The following SLC35F2 variants were observed in gnomAD, a reference collection of about 807,000 sequenced individuals.
SLC35F2 encodes solute carrier family 35 member F2.
A neutral mutation model predicts 38.1 loss-of-function variants in SLC35F2; 25 were observed. That is an observed-to-expected ratio of 0.66 (90% CI 0.48 to 0.92). The LOEUF (loss-of-function observed/expected upper bound fraction) is 0.92, where lower values mean the gene tolerates loss of function less well. Among genes scored for constraint, SLC35F2 ranks in the 40% least tolerant of loss-of-function variants. SLC35F2 has a pLI of 0.00. For synonymous variants in SLC35F2, 173 were observed against 181.7 expected (o/e 0.95, Z 0.38); for missense variants, 409 against 452.9 (o/e 0.90, Z 0.88).
At chr11:107,844,280 T>G (rs1014506962) in intron 1 of SLC35F2, among the ~76,000 whole-genome samples, 35 of 152,094 alleles carry the variant, frequency 2.3e-4, no homozygotes, top group Non-Finnish European at 4.9e-4. Flanking sequence ...GCTCCAACTT[T>G]CACATCTGTG....
At chr11:107,838,245 T>C (rs1859960301) in intron 1 of SLC35F2, among the ~76,000 whole-genome samples, 1 of 152,182 alleles carries the variant, frequency 6.6e-6, no homozygotes, top group African/African-American at 2.4e-5. Flanking sequence ...AAACCTTTCT[T>C]ACCTCAACAA....
intron 7 of SLC35F2, among the ~76,000 whole-genome samples, chr11:107,797,989 T>G (rs200432056): frequency 0.1 from 14,144 of 136,334 alleles, 1,624 homozygotes; most frequent in East Asian, 0.34. Context: ...GTATTTTTTA[T>G]TTTTTTTTGT....
intron 3 of SLC35F2, chr11:107,810,330 C>T (rs890375246): frequency 1.1e-5 from 11 of 985,340 alleles, no homozygotes; most frequent in Non-Finnish European, 1.2e-5. Flanking sequence ...TCAGTCGCAA[C>T]TATCCAACTG....
At chr11:107,843,763 G>A (rs1860049278) in intron 1 of SLC35F2, among the ~76,000 whole-genome samples, 1 of 147,662 alleles carries the variant, frequency 6.8e-6, no homozygotes. Flanking sequence ...CAAGGCAGGA[G>A]GATCACTTGA....
chr11:107,840,121 TTC>T (rs1364163419), intron 1 of SLC35F2, among the ~76,000 whole-genome samples: 3 of 152,286 alleles, frequency 2.0e-5, no homozygotes, highest in African/African-American at 7.2e-5. Context: ...CCCACAACTC[TTC>T]TGTGAGAAAA....
At chr11:107,830,518 A>G (rs1183462827) in intron 1 of SLC35F2, among the ~76,000 whole-genome samples, 3 of 147,630 alleles carry the variant, frequency 2.0e-5, no homozygotes, top group Non-Finnish European at 4.4e-5. Context: ...TGGGAGGCGG[A>G]GCTTGCAGTG....
chr11:107,807,293 C>CAA lies in SLC35F2; in HGVS notation c.415-419_415-418dup, dbSNP rs71047626. On this transcript the variant is annotated intron_variant, in intron 3 of 7. Coordinates refer to ENST00000525815, the MANE Select transcript of SLC35F2 (RefSeq NM_017515.5). ...GTACAAAAAAAAAAAAAAACAACAA[C>CAA]AAAAAAAAACCTTGGGTGTGGTGGT... is the stretch of plus-strand genomic sequence containing the variant. 2.3e-3 allele frequency among the ~76,000 whole-genome samples: 152 copies of CAA among 67,296 alleles called. 3 individuals carry two copies. The highest frequency in any genetic ancestry group is 2.4e-3 in the Non-Finnish European group (58 of 23,910). 44.1% of individuals were successfully genotyped at this position (67,296 alleles called of 152,430 possible). A position where few individuals can be genotyped will look rare whatever the true frequency, so the allele number is the denominator to read the frequency against.
chr11:107,820,213 C>G (rs1186337971), intron 1 of SLC35F2, among the ~76,000 whole-genome samples: 2 of 149,220 alleles, frequency 1.3e-5, no homozygotes, highest in East Asian at 3.9e-4. Context: ...CGAGATCATA[C>G]CACTGCACTC....
intron 1 of SLC35F2, among the ~76,000 whole-genome samples, chr11:107,850,967 G>T (rs1023628053): frequency 1.3e-5 from 2 of 152,092 alleles, no homozygotes; most frequent in Non-Finnish European, 2.9e-5. Flanking sequence ...GGCCAACATG[G>T]TGAAACCCTG....
chr11:107,798,792 T>C (rs1203773570), intron 7 of SLC35F2, among the ~76,000 whole-genome samples: 3 of 152,106 alleles, frequency 2.0e-5, no homozygotes, highest in Admixed American at 6.6e-5. Context: ...AACTACTTCT[T>C]GGCCAGGCTC....
In SLC35F2 at chr11:107,815,788, A is replaced by G; in HGVS notation, c.286+2T>C. ...AAAAGATAATTTCCACATTTGACATACCTGATCGAAATGCCAGCATCACTG... is the reference window on the plus strand; with the variant it reads ...AAAAGATAATTTCCACATTTGACATGCCTGATCGAAATGCCAGCATCACTG... On this transcript the variant is annotated splice_donor_variant, in intron 2 of 7. Transcript: ENST00000525815. LOFTEE classifies it high-confidence loss of function. The G allele has an allele frequency of 6.2e-7, 1 of 1,603,922 alleles. No individual in the cohort carries two copies. Among genetic ancestry groups the G allele is most frequent in the Non-Finnish European group, 8.5e-7 (1 of 1,175,698 alleles).
intron 1 of SLC35F2, among the ~76,000 whole-genome samples, chr11:107,822,517 C>T (rs1219275879): frequency 6.6e-6 from 1 of 152,164 alleles, no homozygotes; most frequent in African/African-American, 2.4e-5. Flanking sequence ...CCTCTTTCTT[C>T]TCCCCAGAAC....
In SLC35F2 at chr11:107,815,852, T is replaced by A. The variant is rs756253397; in HGVS notation, c.224A>T (p.Gln75Leu). The change falls in exon 2 of 8, where the codon CAG (glutamine) becomes CTG (leucine). Residue 75 changes from glutamine to leucine, a missense_variant. Physicochemically the swap from Gln to Leu is moderately radical, Grantham distance 113. Transcript: ENST00000525815. ...ERYKVNTPML[Q>L]SFINYCLLFL... is the part of the protein sequence containing the mutation. ...CAGCAAGCAATAATTGATAAAGCTC[T>A]GAAGCATGGGGGTGTTCACTTTGTA... The A allele has an allele frequency of 1.9e-6, 3 of 1,614,092 alleles. No homozygotes were observed. The highest frequency in any genetic ancestry group is 1.7e-6 in the Non-Finnish European group (2 of 1,179,994).
At chr11:107,800,669 C>G (rs1859292101) in intron 7 of SLC35F2, among the ~76,000 whole-genome samples, 1 of 152,094 alleles carries the variant, frequency 6.6e-6, no homozygotes, top group South Asian at 2.1e-4. Context: ...CTCGACCTCC[C>G]TGGCCCCAAG....
intron 1 of SLC35F2, among the ~76,000 whole-genome samples, chr11:107,852,156 G>T (rs146549934): frequency 6.6e-6 from 1 of 152,312 alleles, no homozygotes; most frequent in East Asian, 1.9e-4. Context: ...GGTGGCTCAG[G>T]CCTGTAATCC....
At chr11:107,820,731 G>A (rs924717037) in intron 1 of SLC35F2, among the ~76,000 whole-genome samples, 2 of 152,114 alleles carry the variant, frequency 1.3e-5, no homozygotes, top group Non-Finnish European at 2.9e-5. Context: ...TGAGGCGGGC[G>A]GATCACTTGA....
At chr11:107,847,709 A>G (rs575237142) in intron 1 of SLC35F2, among the ~76,000 whole-genome samples, 13 of 152,346 alleles carry the variant, frequency 8.5e-5, no homozygotes, top group African/African-American at 3.1e-4. Context: ...AATGTGTGTC[A>G]GGAGGGACAG....
At chr11:107,798,565 T>C (rs1859256081) in intron 7 of SLC35F2, among the ~76,000 whole-genome samples, 1 of 152,184 alleles carries the variant, frequency 6.6e-6, no homozygotes, top group Non-Finnish European at 1.5e-5. Flanking sequence ...ATTCTTTGTG[T>C]CTGGATCTAT....
intron 7 of SLC35F2, among the ~76,000 whole-genome samples, chr11:107,796,990 T>C (rs1283601186): frequency 6.6e-6 from 1 of 152,160 alleles, no homozygotes; most frequent in African/African-American, 2.4e-5. Context: ...CGTTGTTTAA[T>C]GGGTACAAAC....
Sources: gnomAD v4.1 joint callset for allele counts (sites outside exome capture counted in the v4.1 genomes callset) on GRCh38, gnomAD v4.1.1 for gene constraint, MANE v1.5 for transcripts, NCBI Gene and HGNC (gene_info 2026-07-23, HGNC 2026-07-21) for gene names.